The following OVCH2 variants were observed in gnomAD, a reference collection of about 807,000 sequenced individuals.
The protein encoded by OVCH2 is ovochymase-2.
A neutral mutation model predicts 73.7 loss-of-function variants in OVCH2; 88 were observed. The ratio of observed to expected loss-of-function variants is 1.19; its 90% CI spans 1.01 to 1.43. The LOEUF is 1.43. Ranked by LOEUF, OVCH2 falls within the 40% of genes most tolerant of loss-of-function variation. OVCH2 has a pLI of 0.00. For synonymous variants in OVCH2, 265 were observed against 234.5 expected, an observed-to-expected ratio of 1.13 and a Z score of -1.19; for missense variants, 706 against 674.5, an observed-to-expected ratio of 1.05 and a Z score of -0.52.
Position 7,702,235 on chromosome 11 carries a change from T to C in OVCH2, c.385A>G (p.Ile129Val). ...EQTLTIETVI[I>V]HPHFSTKKPM... is the part of the protein sequence containing the mutation. The stretch of plus-strand genomic sequence containing the variant: ...TTCTTGGTGGAGAAATGTGGATGTA[T>C]GATGACAGTTTCAATAGTGAGAGTT... The change falls in exon 4 of 16, where the codon ATA becomes GTA. Residue 129 changes from isoleucine (I) to valine (V), a missense_variant. Transcript: ENST00000533663. 1 of 1,613,040 alleles carries C rather than the reference T, an allele frequency of 6.2e-7. No homozygotes were observed. The highest frequency in any genetic ancestry group is 1.7e-5 in the Admixed American group (1 of 59,892).
chr11:7,697,615 C>T (rs1243110451), intron 8 of OVCH2, among the ~76,000 whole-genome samples: 2 of 152,056 alleles, frequency 1.3e-5, no homozygotes, highest in Non-Finnish European at 2.9e-5. Flanking sequence ...TTTGTGTGCC[C>T]TTCTCTTAGT....
chr11:7,694,612 G>GTT (rs71962313), intron 12 of OVCH2, among the ~76,000 whole-genome samples: 9 of 105,970 alleles, frequency 8.5e-5, no homozygotes, highest in African/African-American at 1.7e-4. Context: ...CAAAGTTTTT[G>GTT]TTTTGTTTTG....
chr11:7,691,363 C>A lies in OVCH2; in HGVS notation c.1545G>T (p.Leu515=). ...TGATGAGCATGATGCTGGAGGGGCT[C>A]AGCACAGGGGTGGGGACATCATAGC... is the stretch of plus-strand genomic sequence containing the variant. ...LCGYDVPTPV[L]SPSSIMLISF... Residue 515 remains leucine, a synonymous_variant, in exon 14 of 16, where the codon CTG becomes CTT. Coordinates refer to ENST00000533663, the MANE Select transcript of OVCH2 (RefSeq NM_198185.7). 4 of 1,613,772 alleles carry A rather than the reference C, an allele frequency of 2.5e-6. No individual in the cohort carries two copies. The highest frequency in any genetic ancestry group is 3.4e-6 in the Non-Finnish European group (4 of 1,179,840).
rs912257901 is a variant in OVCH2 at position 7,693,734 on chromosome 11, C to G, written c.1413+1324G>C. 2.0e-5 allele frequency among the ~76,000 whole-genome samples: 3 copies of G among 152,310 alleles called. 1 individual carries two copies. On this transcript the variant is annotated intron_variant, in intron 12 of 15. Coordinates refer to ENST00000533663, the MANE Select transcript of OVCH2 (RefSeq NM_198185.7). Reference sequence around the variant, plus strand: ...TCTATACCAACTGCCTCTGTATCATCTTTTCCCACTCATTCATAAAACCTG... The same window carrying G: ...TCTATACCAACTGCCTCTGTATCATGTTTTCCCACTCATTCATAAAACCTG...
intron 8 of OVCH2, among the ~76,000 whole-genome samples, chr11:7,697,119 C>T (rs977504242): frequency 6.6e-6 from 1 of 152,186 alleles, no homozygotes; most frequent in African/African-American, 2.4e-5. Flanking sequence ...TTACTGCAAC[C>T]TCAACCTCCT....
Position 7,691,998 on chromosome 11 carries a change from G to A in OVCH2, c.1414-3C>T, listed in dbSNP as rs1013682997. 3 of 1,554,066 alleles carry A rather than the reference G, an allele frequency of 1.9e-6. No homozygotes were observed. Among genetic ancestry groups the A allele is most frequent in the Middle Eastern group, 1.7e-4 (1 of 5,976 alleles). On this transcript the variant is annotated splice_polypyrimidine_tract_variant and splice_region_variant and intron_variant, in intron 12 of 15. Transcript: ENST00000533663. ...ATTTCCAGACTCTGAAATGAAAGCT[G>A]AGAAGACACGAAGTTACATCCAGAG...
chr11:7,701,257 A>T, intron 6 of OVCH2, 67 bp downstream of exon 6: 1 of 1,515,872 alleles, frequency 6.6e-7, no homozygotes, highest in African/African-American at 1.4e-5. Flanking sequence ...AATTTAAGAA[A>T]ACTAGAAGAA....
rs73400730 is a variant in OVCH2 at position 7,696,864 on chromosome 11, C to T, written c.926-65G>A. 12,220 of 1,436,254 alleles carry T rather than the reference C, an allele frequency of 8.5e-3. 805 individuals carry two copies. In the African/African-American group the frequency reaches 0.15, roughly 17 times the overall value. 89.0% of individuals were successfully genotyped at this position (1,436,254 alleles called of 1,614,324 possible). A position where few individuals can be genotyped will look rare whatever the true frequency, so the allele number is the denominator to read the frequency against. On this transcript the variant is annotated intron_variant, in intron 8 of 15. Transcript: ENST00000533663. ...AGTTAACCACAGCAGCCCCTCCCTC[C>T]AGAAGCTGCAAACACCATAGCCTCC...
At chr11:7,681,918 G>A in the OVCH2 span, among the ~76,000 whole-genome samples, 2 of 151,114 alleles carry the variant, frequency 1.3e-5, no homozygotes, top group African/African-American at 4.9e-5. Flanking sequence ...AACATGACCA[G>A]GACTTTGGTT....
intron 14 of OVCH2, among the ~76,000 whole-genome samples, chr11:7,690,775 C>CT (rs1032262960): frequency 1.3e-5 from 2 of 151,948 alleles, no homozygotes; most frequent in African/African-American, 4.8e-5. Flanking sequence ...TTTAGTGGCA[C>CT]TTTTTTTTCA....
intron 1 of OVCH2, 72 bp downstream of exon 1, chr11:7,706,235 T>A: frequency 7.2e-7 from 1 of 1,385,280 alleles, no homozygotes; most frequent in Non-Finnish European, 9.9e-7. Flanking sequence ...GAACATGGAG[T>A]CTCGGAGTTG....
intron 2 of OVCH2, 102 bp from the exon 3 acceptor site, chr11:7,703,891 C>T (rs909496845): frequency 7.8e-5 from 70 of 895,090 alleles, no homozygotes; most frequent in Middle Eastern, 7.6e-4. Context: ...ATATCACACT[C>T]GTAAATGTCA....
chr11:7,681,954 C>G, the OVCH2 span, among the ~76,000 whole-genome samples: 1 of 151,906 alleles, frequency 6.6e-6, no homozygotes. Context: ...CCAGCCTCTG[C>G]TTCCTTTTCT....
Position 7,696,502 on chromosome 11 carries a change from A to C in OVCH2, c.1104T>G (p.Ser368Arg). 6.2e-7 allele frequency: 1 copy of C among 1,614,042 alleles called. No homozygotes were observed. Among genetic ancestry groups the C allele is most frequent in the Non-Finnish European group, 8.5e-7 (1 of 1,179,900 alleles). Residue 368 changes from serine to arginine, a missense_variant, in exon 10 of 16, where the codon AGT becomes AGG. Coordinates refer to ENST00000533663, the MANE Select transcript of OVCH2 (RefSeq NM_198185.7). ...CTTCTAAAGAATACATTGACAGGTA[A>C]CTGTGGTGACAAGACTCAACATCTA... ...SHLDVESCHH[S>R]YLSMYSLEDR... is the part of the protein sequence containing the mutation.
At position 7,695,587 on chromosome 11, in the gene OVCH2, T is replaced by C; in HGVS notation, c.1265A>G (p.Lys422Arg). 1.2e-6 allele frequency: 2 copies of C among 1,613,656 alleles called. No individual in the cohort carries two copies. Among genetic ancestry groups the C allele is most frequent in the Non-Finnish European group, 1.7e-6 (2 of 1,179,672 alleles). Residue 422 changes from lysine (K) to arginine (R), a missense_variant, in exon 11 of 16, where the codon AAA becomes AGA. Lys to Arg is a conservative substitution (Grantham distance 26, BLOSUM62 2). Transcript: ENST00000533663. ...AGFNLTYKAL[K>R]PNYIPDSGCS... ...GGTTTTACCAGGAATGTAGTTTGGT[T>C]TAAGAGCTTTATAGGTAAGATTAAA...
the OVCH2 span, among the ~76,000 whole-genome samples, chr11:7,679,945 G>A: frequency 6.6e-6 from 1 of 152,234 alleles, no homozygotes; most frequent in African/African-American, 2.4e-5. Flanking sequence ...TGTGCCGGGA[G>A]AAGGCATGGG....
chr11:7,702,013 A>C, intron 4 of OVCH2, 144 bp downstream of exon 4: 2 of 868,176 alleles, frequency 2.3e-6, no homozygotes, highest in Non-Finnish European at 1.8e-6. Flanking sequence ...ACCACAAGCA[A>C]AAAGAGTTTC....
the OVCH2 span, among the ~76,000 whole-genome samples, chr11:7,680,140 T>C: frequency 6.6e-6 from 1 of 152,226 alleles, no homozygotes; most frequent in African/African-American, 2.4e-5. Flanking sequence ...CCCCACTTCA[T>C]AGCCAATCAG....
chr11:7,686,815 T>A (rs1247254007), downstream of OVCH2, among the ~76,000 whole-genome samples: 1 of 152,176 alleles, frequency 6.6e-6, no homozygotes, highest in African/African-American at 2.4e-5. Flanking sequence ...TCCCTGAGCA[T>A]CCTGAAGATT....
Sources: allele counts gnomAD v4.1 joint callset (sites outside exome capture counted in the v4.1 genomes callset), GRCh38; gene constraint gnomAD v4.1.1; transcripts MANE v1.5; gene names NCBI Gene and HGNC (gene_info 2026-07-23, HGNC 2026-07-21).